Variants in SDK1 observed in about 807,000 individuals in gnomAD.
SDK1 encodes the protein sidekick cell adhesion molecule 1, also known as protein sidekick-1.
A neutral mutation model predicts 245.5 loss-of-function variants in SDK1; 157 were observed. That is an observed-to-expected ratio of 0.64 (90% CI 0.56 to 0.73). The LOEUF is 0.73. SDK1 is among the 30% of genes least tolerant of loss of function. The probability of loss-of-function intolerance (pLI) is 0.00; values close to 1 mark genes in which losing one functional copy is unlikely to be tolerated. For synonymous variants in SDK1, 1,647 were observed against 1,278.5 expected (o/e 1.29, Z -6.15); for missense variants, 3,583 against 3,002.3 (o/e 1.19, Z -4.52).
chr7:3,885,567 G>A (rs1781318226), intron 5 of SDK1, among the ~76,000 whole-genome samples: 1 of 152,172 alleles, frequency 6.6e-6, no homozygotes, highest in Non-Finnish European at 1.5e-5. Context: ...ACCTGGCTGC[G>A]GCTCCCAGCC....
At chr7:4,257,451 C>G (rs1016655414) in intron 44 of SDK1, among the ~76,000 whole-genome samples, 1 of 152,104 alleles carries the variant, frequency 6.6e-6, no homozygotes, top group Non-Finnish European at 1.5e-5. Flanking sequence ...AAAATACATC[C>G]CCATTAAAAA....
chr7:3,974,133 A>T (rs1249578548), intron 12 of SDK1, among the ~76,000 whole-genome samples: 7 of 150,438 alleles, frequency 4.7e-5, no homozygotes, highest in South Asian at 2.1e-4. Flanking sequence ...GCAGTGGGCC[A>T]AGATCATGCC....
chr7:4,079,211 C>G (rs578202954), intron 21 of SDK1, among the ~76,000 whole-genome samples: 1 of 152,334 alleles, frequency 6.6e-6, no homozygotes, highest in Non-Finnish European at 1.5e-5. Context: ...TGCAGAGTTT[C>G]TCATCAGGGA....
At chr7:3,850,584 A>G (rs985759831) in intron 5 of SDK1, among the ~76,000 whole-genome samples, 2 of 152,188 alleles carry the variant, frequency 1.3e-5, no homozygotes, top group East Asian at 3.8e-4. Flanking sequence ...ACTATTCACA[A>G]TAGCAAAGAC....
At chr7:3,546,317 A>C (rs1033814959) in intron 1 of SDK1, among the ~76,000 whole-genome samples, 1 of 152,186 alleles carries the variant, frequency 6.6e-6, no homozygotes, top group Non-Finnish European at 1.5e-5. Context: ...CCTAATAACC[A>C]TATGACAGTA....
At chr7:3,986,718 G>A (rs550426539) in intron 13 of SDK1, among the ~76,000 whole-genome samples, 15 of 152,246 alleles carry the variant, frequency 9.9e-5, no homozygotes, top group Middle Eastern at 3.4e-3. Context: ...AAAATTAGCT[G>A]GGCATGGTGG....
At chr7:3,448,924 G>C (rs1156678306) in intron 1 of SDK1, among the ~76,000 whole-genome samples, 1 of 152,142 alleles carries the variant, frequency 6.6e-6, no homozygotes, top group East Asian at 1.9e-4. Context: ...GCACAGGAAG[G>C]ATTATTCCTG....
At chr7:3,655,707 A>C (rs979169286) in intron 4 of SDK1, among the ~76,000 whole-genome samples, 4 of 151,742 alleles carry the variant, frequency 2.6e-5, no homozygotes, top group African/African-American at 4.8e-5. Context: ...GAACAAATAG[A>C]TAAGTGTTTC....
chr7:4,044,481 C>G (rs1788869994), intron 17 of SDK1, among the ~76,000 whole-genome samples: 1 of 152,158 alleles, frequency 6.6e-6, no homozygotes, highest in Non-Finnish European at 1.5e-5. Flanking sequence ...CAGGGCCTTA[C>G]TCTGTTGCTT....
At chr7:3,348,862 C>T (rs570038954) in intron 1 of SDK1, among the ~76,000 whole-genome samples, 178 of 152,248 alleles carry the variant, frequency 1.2e-3, no homozygotes, top group African/African-American at 4.0e-3. Flanking sequence ...TTATTAACTA[C>T]TTAAGGTTTA....
intron 1 of SDK1, among the ~76,000 whole-genome samples, chr7:3,389,652 C>G (rs1781696991): frequency 1.3e-5 from 2 of 152,200 alleles, no homozygotes; most frequent in Admixed American, 1.3e-4. Context: ...GTAGTCCAAG[C>G]TACTCAGGAG....
intron 5 of SDK1, among the ~76,000 whole-genome samples, chr7:3,935,680 C>A (rs1780134364): frequency 6.6e-6 from 1 of 152,134 alleles, no homozygotes; most frequent in South Asian, 2.1e-4. Flanking sequence ...AATGAAAGAC[C>A]ACCCCACTCC....
chr7:3,539,726 G>A (rs1778999297), intron 1 of SDK1, among the ~76,000 whole-genome samples: 1 of 152,242 alleles, frequency 6.6e-6, no homozygotes, highest in Non-Finnish European at 1.5e-5. Context: ...ACATCAGGGT[G>A]AGTAGTGGAA....
chr7:4,264,546 C>T (rs1461941991), intron 44 of SDK1, among the ~76,000 whole-genome samples: 448 of 136,708 alleles, frequency 3.3e-3, no homozygotes, highest in African/African-American at 0.01. Context: ...GTGGACCTCT[C>T]CTGAGTGAGG....
intron 4 of SDK1, among the ~76,000 whole-genome samples, chr7:3,810,871 C>CT (rs1779367098): frequency 6.6e-6 from 1 of 152,118 alleles, no homozygotes; most frequent in Admixed American, 6.5e-5. Context: ...GGCCTCTTTG[C>CT]TAAATTATTA....
At chr7:3,373,921 A>G (rs1429074371) in intron 1 of SDK1, among the ~76,000 whole-genome samples, 1 of 152,220 alleles carries the variant, frequency 6.6e-6, no homozygotes, top group Non-Finnish European at 1.5e-5. Context: ...CATGATTTAT[A>G]TGAAGAAAAC....
chr7:3,562,899 C>CTTAAATATGAAGAGAAGCAA (rs1779791374), intron 1 of SDK1, among the ~76,000 whole-genome samples: 1 of 152,220 alleles, frequency 6.6e-6, no homozygotes, highest in Admixed American at 6.5e-5. Flanking sequence ...GAAGCAAATA[C>CTTAAATATGAAGAGAAGCAA]ACGGGCAGCT....
At position 4,183,985 on chromosome 7, in the gene SDK1, C is replaced by T. The variant is rs1297982358; in HGVS notation, c.5098+5399C>T. Among the ~76,000 whole-genome samples, 5 of 152,224 alleles carry T rather than the reference C, an allele frequency of 3.3e-5. No individual in the cohort carries two copies. The South Asian group carries it at 6.2e-4, about 19-fold the overall frequency. On this transcript the variant is annotated intron_variant, in intron 35 of 44. Transcript: ENST00000404826. Reference sequence around the variant, plus strand: ...TCAGTTGTTTGGCCTCAGCACACTCCTCCGGGTTCTGTGTTTACACTGCAG... The same window carrying T: ...TCAGTTGTTTGGCCTCAGCACACTCTTCCGGGTTCTGTGTTTACACTGCAG...
intron 6 of SDK1, among the ~76,000 whole-genome samples, 176 bp from the exon 7 acceptor site, chr7:3,951,546 TCGTCAATG>T (rs1273593837): frequency 6.6e-6 from 1 of 152,204 alleles, no homozygotes; most frequent in Admixed American, 6.5e-5. Flanking sequence ...GCAGAATGCA[TCGTCAATG>T]CGTGCTGGGA....
Sources: allele counts gnomAD v4.1 joint callset (sites outside exome capture counted in the v4.1 genomes callset), GRCh38; gene constraint gnomAD v4.1.1; transcripts MANE v1.5; gene names NCBI Gene and HGNC (gene_info 2026-07-23, HGNC 2026-07-21).